Variants in PTPRN2 observed in about 807,000 individuals in gnomAD.
PTPRN2 encodes the protein receptor-type tyrosine-protein phosphatase N2.
A neutral mutation model predicts 118.8 loss-of-function variants in PTPRN2; 74 were observed. That is an observed-to-expected ratio of 0.62 (90% CI 0.52 to 0.76). The LOEUF is 0.76. Ranked by LOEUF, PTPRN2 falls within the 30% of genes least tolerant of loss-of-function variation. PTPRN2 has a pLI of 0.00. For missense variants in PTPRN2, 1,481 were observed against 1,394.4 expected (o/e 1.06, Z -0.99); for synonymous variants, 641 against 608.0 (o/e 1.05, Z -0.80).
intron 11 of PTPRN2, among the ~76,000 whole-genome samples, chr7:157,942,894 A>C (rs1800237372): frequency 6.6e-6 from 1 of 152,154 alleles, no homozygotes; most frequent in African/African-American, 2.4e-5. Context: ...ACTGTGGCCT[A>C]ACTGGGCCCT....
chr7:158,193,160 C>T lies in PTPRN2; in HGVS notation c.381-665G>A, dbSNP rs190999729. ...GAAGGACAAACACATGGGACGCTTC[C>T]CGTGGGCAGACACATGTGGTGCCCA... On this transcript the variant is annotated intron_variant, in intron 4 of 22. Transcript: ENST00000389418. Among the ~76,000 whole-genome samples the T allele has an allele frequency of 7.9e-4, 121 of 152,312 alleles. 1 individual carries two copies. The Middle Eastern group carries it at 0.02, about 26-fold the overall frequency.
At chr7:157,996,016 G>T (rs1380768907) in intron 11 of PTPRN2, among the ~76,000 whole-genome samples, 1 of 152,220 alleles carries the variant, frequency 6.6e-6, no homozygotes, top group Non-Finnish European at 1.5e-5. Flanking sequence ...ATGAAGTCCT[G>T]TCTGTTGCAC....
At chr7:158,341,997 G>A (rs1485849838) in intron 2 of PTPRN2, among the ~76,000 whole-genome samples, 1 of 147,564 alleles carries the variant, frequency 6.8e-6, no homozygotes. Flanking sequence ...CATAAGAGGT[G>A]ACACCTGCAG....
At chr7:158,211,798 G>A (rs1016357170) in intron 3 of PTPRN2, among the ~76,000 whole-genome samples, 1 of 152,180 alleles carries the variant, frequency 6.6e-6, no homozygotes, top group Non-Finnish European at 1.5e-5. Flanking sequence ...CTATTATGGA[G>A]AGTAGTTTGG....
At chr7:157,840,022 CTGTGTGTGACTGTGTGACCACATGGAG>C (rs1808265172) in intron 12 of PTPRN2, among the ~76,000 whole-genome samples, 1 of 145,970 alleles carries the variant, frequency 6.9e-6, no homozygotes, top group Admixed American at 6.8e-5. Flanking sequence ...GACTGTGTGA[CTGTGTGTGACTGTGTGACCACATGGAG>C]TGTGTGTGAC....
intron 12 of PTPRN2, among the ~76,000 whole-genome samples, chr7:157,797,527 G>A (rs11973467): frequency 0.012 from 1,781 of 152,312 alleles, 34 homozygotes; most frequent in African/African-American, 0.041. Context: ...GAGGCATCCC[G>A]TGAGGGTCAC....
At position 158,493,167 on chromosome 7, in the gene PTPRN2, A is replaced by G. The variant is rs62481470; in HGVS notation, c.113-3382T>C. Among the ~76,000 whole-genome samples the G allele has an allele frequency of 8.6e-3, 1,312 of 152,328 alleles. 5 individuals are homozygous for G. Among genetic ancestry groups the G allele is most frequent in the Middle Eastern group, 0.014 (4 of 294 alleles). Reference sequence around the variant, plus strand: ...GCTCAGGGGTTCCTCCTCACTCTGTATTCACAGGGTATCCCTCCTGCTTCA... The same window carrying G: ...GCTCAGGGGTTCCTCCTCACTCTGTGTTCACAGGGTATCCCTCCTGCTTCA... On this transcript the variant is annotated intron_variant, in intron 1 of 22. Coordinates refer to ENST00000389418, the MANE Select transcript of PTPRN2 (RefSeq NM_002847.5).
At chr7:157,541,822 C>T (rs947796768) in intron 22 of PTPRN2, among the ~76,000 whole-genome samples, 3 of 152,216 alleles carry the variant, frequency 2.0e-5, no homozygotes, top group African/African-American at 7.2e-5. Context: ...ATAGCTTGAA[C>T]CGAGACATCA....
chr7:158,446,552 G>A (rs958080180), intron 2 of PTPRN2, among the ~76,000 whole-genome samples: 1 of 152,158 alleles, frequency 6.6e-6, no homozygotes, highest in African/African-American at 2.4e-5. Context: ...CTCTGCCTGG[G>A]CCACAGCCGC....
intron 11 of PTPRN2, among the ~76,000 whole-genome samples, chr7:158,074,013 G>A (rs1056561832): frequency 3.3e-5 from 5 of 152,206 alleles, no homozygotes; most frequent in Non-Finnish European, 5.9e-5. Flanking sequence ...GAGGACATAC[G>A]TGTCCTGGCC....
intron 11 of PTPRN2, among the ~76,000 whole-genome samples, chr7:157,908,863 A>C (rs781656071): frequency 7.3e-5 from 11 of 151,562 alleles, no homozygotes; most frequent in Non-Finnish European, 1.6e-4. Context: ...ATAGCTTTTG[A>C]AGCATAGTTT....
At chr7:157,879,549 A>C (rs925480901) in intron 12 of PTPRN2, among the ~76,000 whole-genome samples, 1 of 152,236 alleles carries the variant, frequency 6.6e-6, no homozygotes, top group East Asian at 1.9e-4. Context: ...AGACAATTTT[A>C]ACCCTGCAGT....
intron 12 of PTPRN2, among the ~76,000 whole-genome samples, chr7:157,688,643 C>G (rs935559977): frequency 5.3e-5 from 8 of 152,232 alleles, no homozygotes; most frequent in African/African-American, 1.9e-4. Context: ...GCCTCCCCAC[C>G]CCGCAAGAAC....
chr7:158,458,600 T>C lies in PTPRN2; in HGVS notation c.163+31135A>G, dbSNP rs535481004. ...GAGCCCTGACACCAGCATCACCCTC[T>C]CGTGCGGTCTCCCAACAGCCCTGCA... is the stretch of plus-strand genomic sequence containing the variant. On this transcript the variant is annotated intron_variant, in intron 2 of 22. Transcript: ENST00000389418. Among the ~76,000 whole-genome samples, 3 of 152,216 alleles carry C rather than the reference T, an allele frequency of 2.0e-5. No homozygotes were observed. The South Asian group carries it at 6.2e-4, about 32-fold the overall frequency.
chr7:157,843,354 A>G (rs1313943038), intron 12 of PTPRN2, among the ~76,000 whole-genome samples: 2 of 152,212 alleles, frequency 1.3e-5, no homozygotes, highest in Non-Finnish European at 2.9e-5. Flanking sequence ...AAAACAATGC[A>G]ATGGTGGTTT....
chr7:157,991,239 C>T (rs1476239550), intron 11 of PTPRN2, among the ~76,000 whole-genome samples: 1 of 152,186 alleles, frequency 6.6e-6, no homozygotes, highest in Non-Finnish European at 1.5e-5. Flanking sequence ...AGTCGCAATC[C>T]CATCCTCGGA....
intron 5 of PTPRN2, among the ~76,000 whole-genome samples, chr7:158,188,875 A>T (rs1825525948): frequency 6.6e-6 from 1 of 152,182 alleles, no homozygotes; most frequent in Admixed American, 6.5e-5. Flanking sequence ...TTCAGTAAAT[A>T]CAACTGGTTA....
chr7:158,043,192 A>G (rs764707913), intron 11 of PTPRN2, among the ~76,000 whole-genome samples: 2 of 151,978 alleles, frequency 1.3e-5, no homozygotes, highest in African/African-American at 2.4e-5. Context: ...GAAGAAAAAA[A>G]TACCAAAAAA....
Position 157,610,696 on chromosome 7 carries a change from T to A in PTPRN2, c.2345-6621A>T, listed in dbSNP as rs958364335. Among the ~76,000 whole-genome samples the A allele has an allele frequency of 6.6e-6, 1 of 152,212 alleles. No individual in the cohort carries two copies. Among genetic ancestry groups the A allele is most frequent in the African/African-American group, 2.4e-5 (1 of 41,452 alleles). On this transcript the variant is annotated intron_variant, in intron 15 of 22. Transcript: ENST00000389418. This position sits in a 1 kb window ranked among gnomAD's most constrained non-coding sequence, Gnocchi z 5.1. ...GATCGGACCACGTTTGTTTCAATAC[T>A]CTGAGAAGCTACATGGGCTTGATTC...
Sources: gnomAD v4.1 joint callset for allele counts (sites outside exome capture counted in the v4.1 genomes callset) on GRCh38, gnomAD v4.1.1 for gene constraint, Gnocchi (gnomAD v3.1) non-coding constraint, MANE v1.5 for transcripts, NCBI Gene and HGNC (gene_info 2026-07-23, HGNC 2026-07-21) for gene names.